Variants in ELP3 observed in about 807,000 individuals in gnomAD.
ELP3 encodes the protein elongator complex protein 3.
A neutral mutation model predicts 74.9 loss-of-function variants in ELP3; 56 were observed. That is an observed-to-expected ratio of 0.75 (90% CI 0.60 to 0.93). The LOEUF (loss-of-function observed/expected upper bound fraction) is 0.93, where lower values mean the gene tolerates loss of function less well. Ranked by LOEUF, ELP3 falls within the 40% of genes least tolerant of loss-of-function variation. The pLI is 0.00. For missense variants in ELP3, 573 were observed against 686.5 expected, an observed-to-expected ratio of 0.83 and a Z score of 1.85; for synonymous variants, 222 against 239.8, an observed-to-expected ratio of 0.93 and a Z score of 0.68.
intron 10 of ELP3, among the ~76,000 whole-genome samples, chr8:28,138,343 G>C (rs1395971165): frequency 1.3e-5 from 2 of 152,182 alleles, no homozygotes; most frequent in African/African-American, 2.4e-5. Context: ...ACATATTTCT[G>C]ATGGCTTGAA....
intron 7 of ELP3, among the ~76,000 whole-genome samples, chr8:28,120,501 G>A (rs1397826970): frequency 6.6e-6 from 1 of 152,114 alleles, no homozygotes; most frequent in African/African-American, 2.4e-5. Context: ...CTGTAGTTTG[G>A]CTGTTTGTTA....
At chr8:28,125,068 T>C (rs1563260395) in intron 7 of ELP3, among the ~76,000 whole-genome samples, 1 of 152,174 alleles carries the variant, frequency 6.6e-6, no homozygotes, top group Non-Finnish European at 1.5e-5. Flanking sequence ...TCAAATTTTA[T>C]TGAGGTATTT....
At chr8:28,096,530 C>G (rs1234931133) in intron 1 of ELP3, among the ~76,000 whole-genome samples, 1 of 152,206 alleles carries the variant, frequency 6.6e-6, no homozygotes, top group East Asian at 1.9e-4. Context: ...TCAGATTGGC[C>G]TGGCTTAGAG....
chr8:28,093,587 A>C (rs752632365), intron 1 of ELP3: 48 of 318,656 alleles, frequency 1.5e-4, no homozygotes, highest in Admixed American at 2.3e-4. Context: ...GACGTGTTAG[A>C]GAGTTTCTTT....
At position 28,100,663 on chromosome 8, in the gene ELP3, G is replaced by A. The variant is rs377219028; in HGVS notation, c.258+697G>A. On this transcript the variant is annotated intron_variant, in intron 3 of 14. Coordinates refer to ENST00000256398, the MANE Select transcript of ELP3 (RefSeq NM_018091.6). ...AGCAGCTAGATAATAGGAAACAAAA[G>A]TTTTGAAAAAGGTAGTAATATGAAC... Among the ~76,000 whole-genome samples, 14 of 152,268 alleles carry A rather than the reference G, an allele frequency of 9.2e-5. No individual in the cohort carries two copies. In the East Asian group the frequency reaches 2.3e-3, roughly 25 times the overall value.
In ELP3 at chr8:28,153,950, G is replaced by A. The variant is rs577018100; in HGVS notation, c.1101-1992G>A. ...TCTCTTCCTATGTCCAGCCATCCAT[G>A]GTATTCCGCACCTCTTCATTCATTT... On this transcript the variant is annotated intron_variant, in intron 10 of 14. Coordinates refer to ENST00000256398, the MANE Select transcript of ELP3 (RefSeq NM_018091.6). Among the ~76,000 whole-genome samples the A allele has an allele frequency of 2.0e-5, 3 of 152,228 alleles. No individual in the cohort carries two copies. In the East Asian group the frequency reaches 5.8e-4, roughly 29 times the overall value.
At chr8:28,142,285 C>T (rs1389269890) in intron 10 of ELP3, among the ~76,000 whole-genome samples, 1 of 152,112 alleles carries the variant, frequency 6.6e-6, no homozygotes, top group African/African-American at 2.4e-5. Context: ...TTAAGGAAAC[C>T]TGGCTGTTCT....
rs1186590792 is a variant in ELP3 at position 28,110,448 on chromosome 8, T to TA, written c.462+16dup. ...ACACCGAATAGAACAGGTACATTTT[T>TA]AAAAAACATGTTTCTTAAAAATTAG... On this transcript the variant is annotated intron_variant, in intron 6 of 14. Transcript: ENST00000256398. 6.2e-7 allele frequency: 1 copy of TA among 1,603,282 alleles called. No individual in the cohort carries two copies. Among genetic ancestry groups the TA allele is most frequent in the Admixed American group, 1.7e-5 (1 of 57,610 alleles).
chr8:28,097,987 G>T (rs953621198), intron 2 of ELP3, among the ~76,000 whole-genome samples: 4 of 152,230 alleles, frequency 2.6e-5, no homozygotes, highest in African/African-American at 9.6e-5. Context: ...GTTCTTCTGT[G>T]CTGCATCGCT....
At chr8:28,178,141 T>C (rs868156828) in intron 14 of ELP3, among the ~76,000 whole-genome samples, 2 of 152,250 alleles carry the variant, frequency 1.3e-5, no homozygotes, top group African/African-American at 2.4e-5. Flanking sequence ...CAGGCTGCTA[T>C]AACAAAACTG....
At chr8:28,174,041 T>G (rs117438894) in intron 14 of ELP3, among the ~76,000 whole-genome samples, 1 of 152,166 alleles carries the variant, frequency 6.6e-6, no homozygotes, top group Non-Finnish European at 1.5e-5. Flanking sequence ...AAATGTTCTG[T>G]GTGCACTTAT....
chr8:28,160,416 TC>T lies in ELP3; in HGVS notation c.1448del (p.Pro483LeufsTer2). On this transcript the variant is annotated frameshift_variant, in exon 13 of 15. Transcript: ENST00000256398. LOFTEE classifies it high-confidence loss of function. ...GAGCTGCATGTGTATGGGAGTGTGG[TC>T]CCTGTGAGCAGCCGGGATCCTACTA... ...VRELHVYGSV[V>X]PVSSRDPTKF... 2 of 1,614,068 alleles carry T rather than the reference TC, an allele frequency of 1.2e-6. No homozygotes were observed. Among genetic ancestry groups the T allele is most frequent in the Non-Finnish European group, 1.7e-6 (2 of 1,179,994 alleles).
chr8:28,093,984 G>A (rs1169779063), intron 1 of ELP3, among the ~76,000 whole-genome samples: 4 of 152,190 alleles, frequency 2.6e-5, no homozygotes, highest in Non-Finnish European at 5.9e-5. Context: ...TGGCTGGTCA[G>A]GCTGTATCTG....
chr8:28,128,140 G>A (rs999587688), intron 7 of ELP3, among the ~76,000 whole-genome samples: 1 of 152,062 alleles, frequency 6.6e-6, no homozygotes, highest in Non-Finnish European at 1.5e-5. Flanking sequence ...TGAGAACATT[G>A]TAGAAGGGTG....
intron 7 of ELP3, among the ~76,000 whole-genome samples, chr8:28,124,182 T>G (rs1197573821): frequency 6.6e-6 from 1 of 152,190 alleles, no homozygotes; most frequent in Non-Finnish European, 1.5e-5. Flanking sequence ...AATATCTTCT[T>G]AAGAGAAAGG....
At chr8:28,094,768 T>C (rs1811189482) in intron 1 of ELP3, among the ~76,000 whole-genome samples, 1 of 151,774 alleles carries the variant, frequency 6.6e-6, no homozygotes, top group Non-Finnish European at 1.5e-5. Flanking sequence ...AGAAAAAAAA[T>C]TGTCGATCTT....
At chr8:28,173,899 A>G (rs1814635623) in intron 14 of ELP3, among the ~76,000 whole-genome samples, 1 of 151,986 alleles carries the variant, frequency 6.6e-6, no homozygotes, top group African/African-American at 2.4e-5. Context: ...CTGCATACTT[A>G]TGAGTTTTCC....
chr8:28,161,787 T>C (rs1814102366), intron 13 of ELP3, among the ~76,000 whole-genome samples: 1 of 152,208 alleles, frequency 6.6e-6, no homozygotes, highest in South Asian at 2.1e-4. Flanking sequence ...TGGTAGTTCT[T>C]GTTCAAAAGT....
rs993575503 is a variant in ELP3, at chr8:28,190,021, G to A, written c.*296G>A. ...CCTGCAGGTGGCCTATTTTGACTCA[G>A]ACGGTGAAAAAAGCAAATTAACTCA... On this transcript the variant is annotated 3_prime_UTR_variant, in exon 15 of 15. Coordinates refer to ENST00000256398, the MANE Select transcript of ELP3 (RefSeq NM_018091.6). The A allele has an allele frequency of 3.5e-6, 1 of 285,772 alleles. No homozygotes were observed. Among genetic ancestry groups the A allele is most frequent in the South Asian group, 6.8e-5 (1 of 14,620 alleles). 17.7% of individuals were successfully genotyped at this position (285,772 alleles called of 1,614,324 possible).
Sources: allele counts gnomAD v4.1 joint callset (sites outside exome capture counted in the v4.1 genomes callset), GRCh38; gene constraint gnomAD v4.1.1; transcripts MANE v1.5; gene names NCBI Gene and HGNC (gene_info 2026-07-23, HGNC 2026-07-21).